The following MYO1H variants were observed in gnomAD, a reference collection of about 807,000 sequenced individuals.
The protein encoded by MYO1H is myosin IH.
MYO1H carries 118 observed loss-of-function variants against 149.3 expected under a neutral mutation model. The ratio of observed to expected loss-of-function variants is 0.79; its 90% CI spans 0.68 to 0.92. The LOEUF is 0.92. Ranked by LOEUF, MYO1H falls within the 40% of genes least tolerant of loss-of-function variation. The probability of loss-of-function intolerance (pLI) is 0.00; values close to 1 mark genes in which losing one functional copy is unlikely to be tolerated. For missense variants in MYO1H, 1,212 were observed against 1,280.7 expected, an observed-to-expected ratio of 0.95 and a Z score of 0.82; for synonymous variants, 447 against 465.2, an observed-to-expected ratio of 0.96 and a Z score of 0.50.
chr12:109,356,289 G>C (rs570428709), intron 1 of MYO1H, among the ~76,000 whole-genome samples: 2 of 152,254 alleles, frequency 1.3e-5, no homozygotes, highest in South Asian at 4.1e-4. Flanking sequence ...GTGTTTGCAA[G>C]GCTCCCAGAC....
At chr12:109,336,123 C>A in the MYO1H span, among the ~76,000 whole-genome samples, 1 of 152,112 alleles carries the variant, frequency 6.6e-6, no homozygotes, top group Non-Finnish European at 1.5e-5. Context: ...TCAAGTGACA[C>A]AGCAGTCAAT....
At chr12:109,401,454 A>G in intron 6 of MYO1H, 182 bp downstream of exon 6, 2 of 605,662 alleles carry the variant, frequency 3.3e-6, no homozygotes, top group South Asian at 5.6e-5. Context: ...CCTGGCAGCT[A>G]TATCACCTTG....
At chr12:109,447,679 C>T (rs141637023) in exon 32 of MYO1H, 1,864 of 178,722 alleles carry the variant, frequency 0.01, 16 homozygotes, top group Non-Finnish European at 0.016. Context: ...TTTCCTCCCA[C>T]GTCCCCAAGG....
the MYO1H span, among the ~76,000 whole-genome samples, chr12:109,338,629 G>A: frequency 2.6e-5 from 4 of 152,018 alleles, no homozygotes; most frequent in African/African-American, 9.7e-5. Context: ...TCAGCCAGGT[G>A]TGATGGCACG....
chr12:109,423,635 C>G (rs990372083), intron 16 of MYO1H, among the ~76,000 whole-genome samples: 15 of 152,196 alleles, frequency 9.9e-5, no homozygotes, highest in African/African-American at 3.6e-4. Flanking sequence ...TACTTTCTAC[C>G]TCTATGAACT....
intron 6 of MYO1H, among the ~76,000 whole-genome samples, chr12:109,403,678 T>C (rs930488813): frequency 3.4e-4 from 52 of 152,210 alleles, no homozygotes; most frequent in African/African-American, 1.3e-3. Flanking sequence ...ACAAACAGCT[T>C]CAATTTATTT....
At chr12:109,367,522 A>G (rs775064892) in intron 1 of MYO1H, among the ~76,000 whole-genome samples, 5 of 151,918 alleles carry the variant, frequency 3.3e-5, no homozygotes, top group Admixed American at 2.0e-4. Context: ...AATCTTTTAT[A>G]TTTATTTATT....
At chr12:109,422,234 T>C (rs1871203410) in intron 16 of MYO1H, among the ~76,000 whole-genome samples, 1 of 152,260 alleles carries the variant, frequency 6.6e-6, no homozygotes, top group Non-Finnish European at 1.5e-5. Context: ...GTAACATTTT[T>C]GGAGTGAGCA....
chr12:109,432,509 C>T (rs796162825), intron 19 of MYO1H, among the ~76,000 whole-genome samples: 9 of 152,288 alleles, frequency 5.9e-5, no homozygotes, highest in African/African-American at 2.2e-4. Flanking sequence ...GTTGTTTCCA[C>T]CTTTTGGCTA....
the MYO1H span, among the ~76,000 whole-genome samples, chr12:109,311,936 C>T: frequency 5.9e-5 from 9 of 152,170 alleles, no homozygotes; most frequent in Non-Finnish European, 1.3e-4. Flanking sequence ...CTCTAATCTG[C>T]GTCTTGGTTG....
chr12:109,409,739 T>A, intron 11 of MYO1H, 115 bp downstream of exon 11: 1 of 918,562 alleles, frequency 1.1e-6, no homozygotes, highest in Non-Finnish European at 1.7e-6. Context: ...AGAAAGTCTC[T>A]AGATTTACAT....
chr12:109,426,044 A>C, exon 18 of MYO1H: 1 of 1,612,350 alleles, frequency 6.2e-7, no homozygotes. Flanking sequence ...ACGACAGGAA[A>C]GAACCCAGTG....
At chr12:109,398,141 G>A (rs1480806892) in intron 5 of MYO1H, among the ~76,000 whole-genome samples, 1 of 152,210 alleles carries the variant, frequency 6.6e-6, no homozygotes, top group African/African-American at 2.4e-5. Context: ...GAGATATGAT[G>A]CTATCTTAAG....
intron 12 of MYO1H, 104 bp from the exon 13 acceptor site, chr12:109,410,582 TAA>T (rs1870620486): frequency 1.4e-6 from 1 of 736,312 alleles, no homozygotes; most frequent in East Asian, 2.7e-5. Context: ...AGGTTGAATA[TAA>T]AAACTAGATT....
rs542606721 is a variant in MYO1H, at chr12:109,446,280, G to A, written c.3093+668G>A. 5.1e-6 allele frequency: 5 copies of A among 985,320 alleles called. No homozygotes were observed. In the Admixed American group the frequency reaches 1.8e-4, roughly 36 times the overall value. 61.0% of individuals were successfully genotyped at this position (985,320 alleles called of 1,614,324 possible). The stretch of plus-strand genomic sequence containing the variant: ...TGGGCTGAGGGTCCCAGTGGTCCTC[G>A]CTGGCTGCTAGTACACGGAGCTTGT... On this transcript the variant is annotated intron_variant, in intron 31 of 31. Coordinates refer to ENST00000310903, the Ensembl canonical transcript of MYO1H.
intron 21 of MYO1H, among the ~76,000 whole-genome samples, chr12:109,436,063 C>T (rs370435915): frequency 7.9e-5 from 12 of 152,286 alleles, no homozygotes; most frequent in African/African-American, 2.9e-4. Context: ...AGAGTGTTCT[C>T]TGATCAGACC....
chr12:109,316,571 G>T, the MYO1H span, among the ~76,000 whole-genome samples: 1 of 152,186 alleles, frequency 6.6e-6, no homozygotes, highest in Non-Finnish European at 1.5e-5. Flanking sequence ...ATGTATCATT[G>T]TAACAAATTA....
chr12:109,416,404 TA>T (rs1870915063), intron 15 of MYO1H, among the ~76,000 whole-genome samples: 1 of 151,648 alleles, frequency 6.6e-6, no homozygotes, highest in Non-Finnish European at 1.5e-5. Flanking sequence ...ACATTTTTTA[TA>T]ACTGGAATCA....
At chr12:109,363,671 C>A (rs919297698) in intron 1 of MYO1H, among the ~76,000 whole-genome samples, 1 of 151,570 alleles carries the variant, frequency 6.6e-6, no homozygotes, top group African/African-American at 2.4e-5. Flanking sequence ...GAGATCACGC[C>A]ATTGCACTCC....
Sources: allele counts gnomAD v4.1 joint callset (sites outside exome capture counted in the v4.1 genomes callset), GRCh38; gene constraint gnomAD v4.1.1; transcripts MANE v1.5; gene names NCBI Gene and HGNC (gene_info 2026-07-23, HGNC 2026-07-21).